Variants in IQCM observed in about 807,000 individuals in gnomAD.
IQCM encodes IQ domain-containing protein M.
Under a neutral mutation model 57.6 loss-of-function variants are expected in IQCM, and 45 were observed. The observed-to-expected ratio is 0.78, with a 90% CI of 0.62 to 1.00. IQCM has a LOEUF of 1.00. Ranked by LOEUF, IQCM falls within the 50% of genes least tolerant of loss-of-function variation. IQCM has a pLI of 0.00. For synonymous variants in IQCM, 148 were observed against 158.9 expected (o/e 0.93, Z 0.51); for missense variants, 468 against 511.6 (o/e 0.91, Z 0.82).
chr4:149,784,163 TACTC>T (rs1418429982), intron 2 of IQCM, among the ~76,000 whole-genome samples: 2 of 152,346 alleles, frequency 1.3e-5, no homozygotes, highest in African/African-American at 2.4e-5. Context: ...CTTTCCGTCT[TACTC>T]AGAGTAAAAT....
intron 2 of IQCM, among the ~76,000 whole-genome samples, chr4:149,789,193 G>A (rs978585258): frequency 6.6e-5 from 10 of 152,184 alleles, no homozygotes; most frequent in Non-Finnish European, 8.8e-5. Context: ...TACTCAGAGT[G>A]ATGGATACCC....
At chr4:149,778,238 T>C (rs1322627109) in intron 2 of IQCM, among the ~76,000 whole-genome samples, 1 of 152,048 alleles carries the variant, frequency 6.6e-6, no homozygotes, top group African/African-American at 2.4e-5. Flanking sequence ...TAGCCAGGCG[T>C]GGTCGCAGGC....
intron 8 of IQCM, among the ~76,000 whole-genome samples, chr4:149,611,259 A>G (rs1327494768): frequency 1.3e-5 from 2 of 152,046 alleles, no homozygotes; most frequent in Admixed American, 6.6e-5. Context: ...TATAGCCACT[A>G]TGAAGAACAG....
At chr4:149,586,056 A>G (rs181220520) in intron 9 of IQCM, among the ~76,000 whole-genome samples, 81 of 151,692 alleles carry the variant, frequency 5.3e-4, no homozygotes, top group African/African-American at 1.8e-3. Context: ...CCAATTTTTT[A>G]TCATTGAAAT....
chr4:149,732,511 C>T (rs1766551838), intron 5 of IQCM, among the ~76,000 whole-genome samples: 1 of 152,268 alleles, frequency 6.6e-6, no homozygotes, highest in Non-Finnish European at 1.5e-5. Flanking sequence ...CTGTGTTTAT[C>T]CTCACCATTA....
intron 13 of IQCM, among the ~76,000 whole-genome samples, chr4:149,421,316 G>A (rs946134417): frequency 2.6e-5 from 4 of 151,792 alleles, no homozygotes; most frequent in Admixed American, 2.6e-4. Flanking sequence ...GCACAGATAT[G>A]TGTCGAACTT....
chr4:149,733,009 A>C (rs112838736), intron 5 of IQCM, among the ~76,000 whole-genome samples: 4 of 152,306 alleles, frequency 2.6e-5, no homozygotes, highest in East Asian at 1.9e-4. Flanking sequence ...TCTGGAAGAC[A>C]TGGCTAACAA....
chr4:149,535,866 A>G (rs961074986), intron 12 of IQCM, among the ~76,000 whole-genome samples: 10 of 152,164 alleles, frequency 6.6e-5, no homozygotes, highest in African/African-American at 2.2e-4. Context: ...TTCACTAGCC[A>G]TGATGATTCC....
intron 12 of IQCM, among the ~76,000 whole-genome samples, chr4:149,443,729 G>T (rs1350824940): frequency 7.2e-6 from 1 of 138,202 alleles, no homozygotes; most frequent in African/African-American, 2.5e-5. Context: ...GAAAGGAAAG[G>T]AAAGGAAAGG....
At chr4:149,534,138 C>A (rs2036859194) in intron 12 of IQCM, among the ~76,000 whole-genome samples, 2 of 152,064 alleles carry the variant, frequency 1.3e-5, no homozygotes, top group African/African-American at 4.8e-5. Flanking sequence ...TTCTTAGAAT[C>A]AACTTATTTG....
intron 12 of IQCM, among the ~76,000 whole-genome samples, chr4:149,454,149 T>G (rs1159810914): frequency 3.5e-5 from 5 of 142,012 alleles, no homozygotes; most frequent in East Asian, 2.0e-4. Context: ...GAAAATGTGA[T>G]ATATATATAT....
intron 12 of IQCM, among the ~76,000 whole-genome samples, chr4:149,519,540 T>A (rs1197616131): frequency 2.7e-5 from 4 of 150,788 alleles, no homozygotes; most frequent in African/African-American, 9.8e-5. Flanking sequence ...CTGAGGTAGG[T>A]GAATGGCATG....
chr4:149,809,594 T>C (rs1262431605), intron 2 of IQCM, among the ~76,000 whole-genome samples: 2 of 152,164 alleles, frequency 1.3e-5, no homozygotes, highest in Non-Finnish European at 1.5e-5. Flanking sequence ...CTTTAGTAAT[T>C]TCAAAACATA....
intron 9 of IQCM, among the ~76,000 whole-genome samples, chr4:149,575,309 G>A (rs1171180824): frequency 6.6e-6 from 1 of 151,784 alleles, no homozygotes; most frequent in Non-Finnish European, 1.5e-5. Flanking sequence ...TAAGGGGAGG[G>A]ATGTAATACA....
At chr4:149,496,378 G>A (rs1368038569) in intron 12 of IQCM, among the ~76,000 whole-genome samples, 3 of 152,128 alleles carry the variant, frequency 2.0e-5, no homozygotes, top group Admixed American at 1.3e-4. Flanking sequence ...AAGAGGCTTT[G>A]CAGATGTAAT....
intron 13 of IQCM, among the ~76,000 whole-genome samples, chr4:149,391,821 A>G (rs1731877697): frequency 6.6e-6 from 1 of 152,000 alleles, no homozygotes; most frequent in Admixed American, 6.6e-5. Context: ...ATTTAATTAC[A>G]TTTTGGTCAA....
Position 149,742,754 on chromosome 4 carries a change from C to T in IQCM, c.-48-15G>A, listed in dbSNP as rs1347100752. 2.0e-6 allele frequency: 2 copies of T among 1,024,392 alleles called. No individual in the cohort carries two copies. Among genetic ancestry groups the T allele is most frequent in the African/African-American group, 3.3e-5 (2 of 60,172 alleles). 63.5% of individuals were successfully genotyped at this position (1,024,392 alleles called of 1,614,324 possible). On this transcript the variant is annotated splice_polypyrimidine_tract_variant and intron_variant, in intron 2 of 13. Transcript: ENST00000636793. ...AGCTCCAAGTCCTTAAACACAGTTA[C>T]ATTAAGTAATTCAGTGATGATAAAT...
At chr4:149,365,410 T>C (rs1729763261) in intron 13 of IQCM, among the ~76,000 whole-genome samples, 1 of 152,162 alleles carries the variant, frequency 6.6e-6, no homozygotes, top group African/African-American at 2.4e-5. Context: ...AAATAAATGG[T>C]GAAGAAAATT....
At chr4:149,634,384 G>C (rs947866529) in intron 7 of IQCM, among the ~76,000 whole-genome samples, 9 of 152,132 alleles carry the variant, frequency 5.9e-5, no homozygotes, top group African/African-American at 2.2e-4. Flanking sequence ...TCCACCACTG[G>C]AACAGAACAC....
Sources: allele counts gnomAD v4.1 joint callset (sites outside exome capture counted in the v4.1 genomes callset), GRCh38; gene constraint gnomAD v4.1.1; transcripts MANE v1.5; gene names NCBI Gene and HGNC (gene_info 2026-07-23, HGNC 2026-07-21).